TDRD6: variants seen among roughly 807,000 people sequenced by gnomAD.
TDRD6 encodes the protein tudor domain-containing protein 6.
TDRD6 carries 186 observed loss-of-function variants against 157.5 expected under a neutral mutation model. The ratio of observed to expected loss-of-function variants is 1.18; its 90% confidence interval spans 1.05 to 1.33. The LOEUF is 1.33. Ranked by LOEUF, TDRD6 falls within the 40% of genes most tolerant of loss-of-function variation. The pLI is 0.00. For synonymous variants in TDRD6, 1,075 were observed against 945.2 expected (o/e 1.14, Z -2.52); for missense variants, 3,066 against 2,508.0 (o/e 1.22, Z -4.75).
Position 46,693,767 on chromosome 6 carries a change from A to T in TDRD6, c.5639A>T (p.Gln1880Leu), listed in dbSNP as rs150109630. The T allele has an allele frequency of 7.4e-6, 12 of 1,614,062 alleles. No individual in the cohort carries two copies. The highest frequency in any genetic ancestry group is 1.0e-5 in the Non-Finnish European group (12 of 1,180,038). Residue 1880 changes from glutamine to leucine, a missense_variant, in exon 1 of 4, where the codon CAA (glutamine) becomes CTA (leucine). Transcript: ENST00000316081. Reference protein sequence around the residue: ...SPVPPNVPLSQECVTKGAMEL... With the variant: ...SPVPPNVPLSLECVTKGAMEL... Reference sequence around the variant, plus strand: ...GTGCCACCGAATGTGCCACTCTCCCAAGAGTGTGTCACAAAAGGCGCCATG... The same window carrying T: ...GTGCCACCGAATGTGCCACTCTCCCTAGAGTGTGTCACAAAAGGCGCCATG...
At chr6:46,701,823 T>C in intron 3 of TDRD6, 35 bp from the exon 4 acceptor site, 1 of 1,611,724 alleles carries the variant, frequency 6.2e-7, no homozygotes, top group Middle Eastern at 1.7e-4. Flanking sequence ...TGTATGTTTC[T>C]TTCTCAGTTT....
At position 46,690,191 on chromosome 6, in the gene TDRD6, C is replaced by G; in HGVS notation, c.2063C>G (p.Ser688Ter). Residue 688 changes from serine (S) to a stop codon, truncating the protein, a stop_gained, in exon 1 of 4, where the codon TCA (serine) becomes TGA (stop). Coordinates refer to ENST00000316081, the MANE Select transcript of TDRD6 (RefSeq NM_001010870.3). LOFTEE classifies it high-confidence loss of function. ...LVNAHSPGHV[S>*]NHFTTESNKI... ...AATGCCCACTCCCCAGGGCATGTTTCAAACCACTTTACTACGGAGAGTAAC... is the reference window on the plus strand; with the variant it reads ...AATGCCCACTCCCCAGGGCATGTTTGAAACCACTTTACTACGGAGAGTAAC... The G allele has an allele frequency of 6.2e-7, 1 of 1,613,854 alleles. No homozygotes were observed. The highest frequency in any genetic ancestry group is 8.5e-7 in the Non-Finnish European group (1 of 1,180,018).
chr6:46,695,395 C>A (rs1367031453), intron 1 of TDRD6, among the ~76,000 whole-genome samples: 14 of 152,024 alleles, frequency 9.2e-5, no homozygotes, highest in Non-Finnish European at 1.5e-5. Context: ...TTAAGTATTA[C>A]CCTTGCATTA....
intron 2 of TDRD6, 76 bp downstream of exon 2, chr6:46,696,021 C>A (rs949241692): frequency 9.4e-6 from 14 of 1,489,952 alleles, no homozygotes; most frequent in Non-Finnish European, 1.3e-5. Context: ...CTCTGTCAGA[C>A]TAGAGAACGC....
Position 46,691,371 on chromosome 6 carries a change from A to G in TDRD6, c.3243A>G (p.Ile1081Met). ...TAACAAGTGATGATCTGCTTCCAAT[A>G]CCTAGTGATGCATATGATGTCTTAC... ...YVVTSDDLLP[I>M]PSDAYDVLLL... The change falls in exon 1 of 4, where the codon ATA becomes ATG. Residue 1081 changes from isoleucine to methionine, a missense_variant. Coordinates refer to ENST00000316081, the MANE Select transcript of TDRD6 (RefSeq NM_001010870.3). 1 of 1,613,998 alleles carries G rather than the reference A, an allele frequency of 6.2e-7. No homozygotes were observed. Among genetic ancestry groups the G allele is most frequent in the Non-Finnish European group, 8.5e-7 (1 of 1,179,930 alleles).
Position 46,697,983 on chromosome 6 carries a change from TGTTTTCTCCTGTAG to T in TDRD6, c.6172-9_6176del. On this transcript the variant is annotated splice_acceptor_variant and splice_polypyrimidine_tract_variant and intron_variant, in intron 2 of 3. Transcript: ENST00000316081. LOFTEE classifies it high-confidence loss of function. ...TTGAATTGGACACTTTAAAAAAATTTGTTTTCTCCTGTAGGTTTTGAACCTTTCAAATGGTATGG... is the reference window on the plus strand; with the variant it reads ...TTGAATTGGACACTTTAAAAAAATTTGTTTTGAACCTTTCAAATGGTATGG... 1 of 1,546,032 alleles carries T rather than the reference TGTTTTCTCCTGTAG, an allele frequency of 6.5e-7. No individual in the cohort carries two copies. The highest frequency in any genetic ancestry group is 8.8e-7 in the Non-Finnish European group (1 of 1,139,258).
chr6:46,697,980 A>T lies in TDRD6; in HGVS notation c.6172-18A>T. The T allele has an allele frequency of 6.5e-7, 1 of 1,538,628 alleles. No individual in the cohort carries two copies. Among genetic ancestry groups the T allele is most frequent in the Non-Finnish European group, 8.8e-7 (1 of 1,132,658 alleles). On this transcript the variant is annotated intron_variant, in intron 2 of 3. Coordinates refer to ENST00000316081, the MANE Select transcript of TDRD6 (RefSeq NM_001010870.3). ...TTTTTGAATTGGACACTTTAAAAAAATTTGTTTTCTCCTGTAGGTTTTGAA... is the reference window on the plus strand; with the variant it reads ...TTTTTGAATTGGACACTTTAAAAAATTTTGTTTTCTCCTGTAGGTTTTGAA...
rs927754397 is a variant in TDRD6 at position 46,703,558 on chromosome 6, A to T, written c.*1671A>T. 6.6e-6 allele frequency: 1 copy of T among 152,062 alleles called. No homozygotes were observed. Among genetic ancestry groups the T allele is most frequent in the Non-Finnish European group, 1.5e-5 (1 of 67,940 alleles). 9.4% of individuals were successfully genotyped at this position (152,062 alleles called of 1,614,324 possible). On this transcript the variant is annotated 3_prime_UTR_variant, in exon 4 of 4. Coordinates refer to ENST00000316081, the MANE Select transcript of TDRD6 (RefSeq NM_001010870.3). The stretch of plus-strand genomic sequence containing the variant: ...AATGAGTGACTTTGCACCTGACACC[A>T]CTAAGATAGGACTAGGGTACCAAAT...
chr6:46,688,742 T>TC lies in TDRD6; in HGVS notation c.616dup (p.Arg206ProfsTer14), dbSNP rs772830232. The TC allele has an allele frequency of 8.1e-6, 13 of 1,601,290 alleles. No individual in the cohort carries two copies. The highest frequency in any genetic ancestry group is 1.1e-5 in the Non-Finnish European group (13 of 1,179,366). ...GCTCGGCGGGTGCCCGACAGCCTCT[T>TC]CCGTTCGCTGCTGGAGCGCTATCTC... is the stretch of plus-strand genomic sequence containing the variant. On this transcript the variant is annotated frameshift_variant, in exon 1 of 4. Transcript: ENST00000316081. LOFTEE classifies it high-confidence loss of function.
intron 1 of TDRD6, among the ~76,000 whole-genome samples, chr6:46,695,126 A>T (rs1169582958): frequency 6.6e-6 from 1 of 151,098 alleles, no homozygotes; most frequent in Non-Finnish European, 1.5e-5. Context: ...TATATTATTA[A>T]ATTTGAACCA....
At position 46,692,682 on chromosome 6, in the gene TDRD6, A is replaced by C; in HGVS notation, c.4554A>C (p.Lys1518Asn). ...SVFLNWYNPE[K>N]KMIRAYATVI... ...TTCTTAACTGGTATAATCCAGAAAA[A>C]AAAATGATAAGAGCTTATGCCACTG... Residue 1518 changes from lysine (K) to asparagine (N), a missense_variant, in exon 1 of 4, where the codon AAA becomes AAC. Lys to Asn is a moderately conservative substitution (Grantham distance 94). Coordinates refer to ENST00000316081, the MANE Select transcript of TDRD6 (RefSeq NM_001010870.3). 1 of 1,613,874 alleles carries C rather than the reference A, an allele frequency of 6.2e-7. No homozygotes were observed. The highest frequency in any genetic ancestry group is 8.5e-7 in the Non-Finnish European group (1 of 1,179,958).
At chr6:46,685,087 C>T (rs1764060504), upstream of TDRD6, among the ~76,000 whole-genome samples, 1 of 148,916 alleles carries the variant, frequency 6.7e-6, no homozygotes, top group Non-Finnish European at 1.5e-5. Context: ...ATCTGTACAT[C>T]CTCCTCCGTG....
Position 46,692,955 on chromosome 6 carries a change from A to T in TDRD6, c.4827A>T (p.Glu1609Asp), listed in dbSNP as rs1313466710. 6.2e-7 allele frequency: 1 copy of T among 1,613,682 alleles called. No individual in the cohort carries two copies. Among genetic ancestry groups the T allele is most frequent in the African/African-American group, 1.3e-5 (1 of 75,028 alleles). Residue 1609 changes from glutamate to aspartate, a missense_variant, in exon 1 of 4, where the codon GAA becomes GAT. Glu to Asp is a conservative substitution (Grantham distance 45, BLOSUM62 2). Coordinates refer to ENST00000316081, the MANE Select transcript of TDRD6 (RefSeq NM_001010870.3). Reference sequence around the variant, plus strand: ...GGCTTGTGGACTTTGGAAACATTGAAGACTGTGTGGACCCAAAAGCACTCT... The same window carrying T: ...GGCTTGTGGACTTTGGAAACATTGATGACTGTGTGGACCCAAAAGCACTCT... ...SVRLVDFGNI[E>D]DCVDPKALWA... is the part of the protein sequence containing the mutation.
At chr6:46,686,343 A>G (rs1327148333), upstream of TDRD6, among the ~76,000 whole-genome samples, 1 of 152,168 alleles carries the variant, frequency 6.6e-6, no homozygotes, top group Non-Finnish European at 1.5e-5. Flanking sequence ...TCTTGTTAAG[A>G]TTTACTGGAT....
At chr6:46,700,982 A>G (rs778606229) in intron 3 of TDRD6, 3 of 424,446 alleles carry the variant, frequency 7.1e-6, no homozygotes, top group Non-Finnish European at 1.5e-5. Context: ...TAGCAATTCA[A>G]AGGTTCCTTT....
chr6:46,695,761 GTA>G, intron 1 of TDRD6, 58 bp from the exon 2 acceptor site: 1 of 1,545,278 alleles, frequency 6.5e-7, no homozygotes, highest in Non-Finnish European at 8.8e-7. Context: ...CTTTGCTTGT[GTA>G]TGTTACATTA....
chr6:46,688,593 G>A lies in TDRD6; in HGVS notation c.465G>A (p.Val155=). 2.5e-6 allele frequency: 4 copies of A among 1,598,836 alleles called. No individual in the cohort carries two copies. The highest frequency in any genetic ancestry group is 3.4e-6 in the Non-Finnish European group (4 of 1,179,646). The change falls in exon 1 of 4, where the codon GTG becomes GTA. Residue 155 remains valine (V), a synonymous_variant. Transcript: ENST00000316081. ...CGCAGCACTGGCCCGCCGACGCCGT[G>A]GACTTCCTTAGCAACCTTCAGGGCA... ...EPPQHWPADA[V]DFLSNLQGKE...
Position 46,691,438 on chromosome 6 carries a change from C to G in TDRD6, c.3310C>G (p.Pro1104Ala). 6.2e-7 allele frequency: 1 copy of G among 1,614,012 alleles called. No homozygotes were observed. The highest frequency in any genetic ancestry group is 2.2e-5 in the East Asian group (1 of 44,858). Reference protein sequence around the residue: ...QAVRCSLSDIPDHIPEEVVVW... With the variant: ...QAVRCSLSDIADHIPEEVVVW... The stretch of plus-strand genomic sequence containing the variant: ...TGTCAGATGTTCATTATCTGATATT[C>G]CTGATCATATACCAGAAGAAGTGGT... Residue 1104 changes from proline (P) to alanine (A), a missense_variant, in exon 1 of 4, where the codon CCT becomes GCT. Transcript: ENST00000316081.
rs774890640 is a variant in TDRD6 at position 46,691,232 on chromosome 6, A to G, written c.3104A>G (p.Asn1035Ser). The change falls in exon 1 of 4, where the codon AAC (asparagine) becomes AGC (serine). Residue 1035 changes from asparagine to serine, a missense_variant. By Grantham distance (46) the Asn-to-Ser change is conservative. Transcript: ENST00000316081. ...CTGAATTTAAAAACATCTCCCTTGA[A>G]CCCTGGAACCTTGTGCCTTGCCAAG... ...VLLNLKTSPL[N>S]PGTLCLAKYT... 13 of 1,613,858 alleles carry G rather than the reference A, an allele frequency of 8.1e-6. No individual in the cohort carries two copies. The highest frequency in any genetic ancestry group is 1.6e-4 in the Middle Eastern group (1 of 6,082).
Sources: allele counts gnomAD v4.1 joint callset (sites outside exome capture counted in the v4.1 genomes callset), GRCh38; gene constraint gnomAD v4.1.1; transcripts MANE v1.5; gene names NCBI Gene and HGNC (gene_info 2026-07-23, HGNC 2026-07-21).